The following ARHGAP10 variants were observed in gnomAD, a reference collection of about 807,000 sequenced individuals.
The protein encoded by ARHGAP10 is Rho GTPase activating protein 10, also known as rho GTPase-activating protein 10.
A neutral mutation model predicts 108.6 loss-of-function variants in ARHGAP10; 87 were observed. The observed-to-expected ratio is 0.80, with a 90% CI of 0.67 to 0.96. The LOEUF (loss-of-function observed/expected upper bound fraction) is 0.96, where lower values mean the gene tolerates loss of function less well. ARHGAP10 is among the 40% of genes least tolerant of loss of function. The pLI is 0.00. For synonymous variants in ARHGAP10, 347 were observed against 341.1 expected (o/e 1.02, Z -0.19); for missense variants, 939 against 954.5 (o/e 0.98, Z 0.21).
At chr4:148,025,156 A>G (rs1015048605) in intron 19 of ARHGAP10, among the ~76,000 whole-genome samples, 1 of 152,212 alleles carries the variant, frequency 6.6e-6, no homozygotes, top group Non-Finnish European at 1.5e-5. Flanking sequence ...TTATGGGAAC[A>G]CTCAAGCTAG....
At chr4:147,765,367 A>G (rs929656418) in intron 1 of ARHGAP10, among the ~76,000 whole-genome samples, 6 of 141,762 alleles carry the variant, frequency 4.2e-5, no homozygotes, top group African/African-American at 1.6e-4. Context: ...TGTGTATTTC[A>G]ATGTGCCACG....
chr4:147,998,817 T>C (rs1263929760), intron 18 of ARHGAP10, among the ~76,000 whole-genome samples: 2 of 152,232 alleles, frequency 1.3e-5, no homozygotes, highest in African/African-American at 2.4e-5. Flanking sequence ...CCTAAATATA[T>C]CTTAAAATTT....
At chr4:147,910,641 A>C (rs559696404) in intron 12 of ARHGAP10, among the ~76,000 whole-genome samples, 10 of 152,338 alleles carry the variant, frequency 6.6e-5, no homozygotes, top group African/African-American at 2.2e-4. Flanking sequence ...GCTGTACTTG[A>C]AGAAAATGAA....
intron 10 of ARHGAP10, among the ~76,000 whole-genome samples, chr4:147,903,834 C>T (rs1263940464): frequency 6.6e-6 from 1 of 152,178 alleles, no homozygotes; most frequent in Non-Finnish European, 1.5e-5. Flanking sequence ...GGATGTACTA[C>T]AGTTTATTCA....
At chr4:148,034,496 T>C (rs1271058364) in intron 19 of ARHGAP10, among the ~76,000 whole-genome samples, 1 of 151,562 alleles carries the variant, frequency 6.6e-6, no homozygotes, top group Non-Finnish European at 1.5e-5. Context: ...TTTTTTTTTT[T>C]TTTTTGTATT....
rs1436493 is a variant in ARHGAP10 at position 147,940,007 on chromosome 4, C to T, written c.1303+108C>T. ...AGAGAATACTTGTCATTCCATTCCTCTACTTTCTACAGGAGTTTTCTGCTG... is the reference window on the plus strand; with the variant it reads ...AGAGAATACTTGTCATTCCATTCCTTTACTTTCTACAGGAGTTTTCTGCTG... On this transcript the variant is annotated intron_variant, in intron 14 of 22. Coordinates refer to ENST00000336498, the MANE Select transcript of ARHGAP10 (RefSeq NM_024605.4). 6.4e-6 allele frequency: 7 copies of T among 1,086,418 alleles called. No homozygotes were observed. The South Asian group carries it at 7.7e-5, about 12-fold the overall frequency. The allele number at this position is 1,086,418 out of a possible 1,614,324, so 67.3% of individuals were successfully genotyped here.
intron 19 of ARHGAP10, among the ~76,000 whole-genome samples, chr4:148,029,455 C>T (rs993029897): frequency 2.0e-5 from 3 of 152,194 alleles, no homozygotes; most frequent in Admixed American, 6.5e-5. Context: ...GTCTTTCCCA[C>T]GATGTTAGCA....
intron 1 of ARHGAP10, among the ~76,000 whole-genome samples, chr4:147,783,097 T>C (rs1730620856): frequency 7.0e-6 from 1 of 143,182 alleles, no homozygotes; most frequent in Non-Finnish European, 1.5e-5. Context: ...TTATATATTA[T>C]GTAAATTATA....
intron 1 of ARHGAP10, among the ~76,000 whole-genome samples, chr4:147,764,797 A>C (rs1040745082): frequency 6.6e-6 from 1 of 152,206 alleles, no homozygotes; most frequent in African/African-American, 2.4e-5. Flanking sequence ...GGCCTCCCAA[A>C]GCGCTGGGAT....
At chr4:147,830,774 T>A (rs1486581143) in intron 3 of ARHGAP10, among the ~76,000 whole-genome samples, 1 of 152,158 alleles carries the variant, frequency 6.6e-6, no homozygotes, top group Non-Finnish European at 1.5e-5. Context: ...TGCGAATTGG[T>A]CTGCCAAAGT....
chr4:147,784,788 A>T (rs1319923820), intron 1 of ARHGAP10, among the ~76,000 whole-genome samples: 1 of 40,056 alleles, frequency 2.5e-5, no homozygotes, highest in Non-Finnish European at 6.2e-5. Flanking sequence ...TATATTATAA[A>T]ATATATATTA....
chr4:147,857,071 C>T (rs1330048829), intron 4 of ARHGAP10, among the ~76,000 whole-genome samples: 4 of 152,172 alleles, frequency 2.6e-5, no homozygotes, highest in African/African-American at 9.7e-5. Context: ...TGGCTGGTCT[C>T]GAACTCCTGA....
At chr4:147,857,448 G>A in intron 4 of ARHGAP10, 105 bp from the exon 5 acceptor site, 1 of 1,132,644 alleles carries the variant, frequency 8.8e-7, no homozygotes, top group Non-Finnish European at 1.2e-6. Context: ...TCAGAGTGGT[G>A]CTTTGTTTTA....
At chr4:148,023,140 A>G in intron 18 of ARHGAP10, 123 bp from the exon 19 acceptor site, 1 of 1,078,652 alleles carries the variant, frequency 9.3e-7, no homozygotes, top group Non-Finnish European at 1.3e-6. Flanking sequence ...GAAGGAATGG[A>G]TTTTGGGCTC....
intron 16 of ARHGAP10, among the ~76,000 whole-genome samples, chr4:147,957,746 C>T (rs1738840750): frequency 6.6e-6 from 1 of 152,148 alleles, no homozygotes; most frequent in South Asian, 2.1e-4. Flanking sequence ...TTTCTCTCAT[C>T]AGTTTCTTTC....
At chr4:147,911,630 G>A (rs946630022) in intron 12 of ARHGAP10, among the ~76,000 whole-genome samples, 3 of 42,960 alleles carry the variant, frequency 7.0e-5, no homozygotes, top group Admixed American at 2.2e-4. Context: ...CCAAAGTGCT[G>A]GGATTACAGG....
intron 1 of ARHGAP10, among the ~76,000 whole-genome samples, chr4:147,746,875 C>G (rs1728947645): frequency 6.6e-6 from 1 of 152,098 alleles, no homozygotes; most frequent in African/African-American, 2.4e-5. Flanking sequence ...AGGTAGATGA[C>G]AAGATTCAGT....
At position 147,988,111 on chromosome 4, in the gene ARHGAP10, G is replaced by A. The variant is rs190086744; in HGVS notation, c.1716+21272G>A. Reference sequence around the variant, plus strand: ...ATTTCCCTTACTGCAGGTGTCTCCTGCCTGTCCCTGAGGCTGGCTGCTTCT... The same window carrying A: ...ATTTCCCTTACTGCAGGTGTCTCCTACCTGTCCCTGAGGCTGGCTGCTTCT... On this transcript the variant is annotated intron_variant, in intron 18 of 22. Coordinates refer to ENST00000336498, the MANE Select transcript of ARHGAP10 (RefSeq NM_024605.4). 5.3e-5 allele frequency among the ~76,000 whole-genome samples: 8 copies of A among 152,312 alleles called. No homozygotes were observed. The East Asian group carries it at 5.8e-4, about 11-fold the overall frequency.
At chr4:147,982,830 A>G (rs192850209) in intron 18 of ARHGAP10, among the ~76,000 whole-genome samples, 1 of 151,940 alleles carries the variant, frequency 6.6e-6, no homozygotes, top group Non-Finnish European at 1.5e-5. Flanking sequence ...AATAAGGTAT[A>G]CATTTGGTTG....
Sources: gnomAD v4.1 joint callset for allele counts (sites outside exome capture counted in the v4.1 genomes callset) on GRCh38, gnomAD v4.1.1 for gene constraint, MANE v1.5 for transcripts, NCBI Gene and HGNC (gene_info 2026-07-23, HGNC 2026-07-21) for gene names.